Variants in USH2A observed in about 807,000 individuals in gnomAD.
USH2A encodes the protein usherin, also known as Usher syndrome 2A (autosomal recessive, mild).
USH2A carries 443 observed loss-of-function variants against 538.9 expected under a neutral mutation model. The ratio of observed to expected loss-of-function variants is 0.82; its 90% confidence interval spans 0.76 to 0.89. The LOEUF (loss-of-function observed/expected upper bound fraction) is 0.89, where lower values mean the gene tolerates loss of function less well. Ranked by LOEUF, USH2A falls within the 40% of genes least tolerant of loss-of-function variation. The pLI, the probability that USH2A is intolerant of heterozygous loss-of-function variation, is 0.00. For missense variants in USH2A, 6,633 were observed against 6,324.8 expected (o/e 1.05, Z -1.65); for synonymous variants, 2,413 against 2,273.5 (o/e 1.06, Z -1.75).
intron 21 of USH2A, among the ~76,000 whole-genome samples, chr1:216,155,046 C>T (rs115517496): frequency 0.013 from 2,035 of 152,040 alleles, 38 homozygotes; most frequent in African/African-American, 0.046. Context: ...TAGGATGAAA[C>T]TGATTTTACA....
chr1:216,123,094 A>G (rs2033169001), intron 21 of USH2A, among the ~76,000 whole-genome samples: 2 of 152,210 alleles, frequency 1.3e-5, no homozygotes, highest in South Asian at 4.1e-4. Flanking sequence ...TATGCCAATT[A>G]TACAGATAAG....
chr1:216,112,813 T>C (rs1388137977), intron 21 of USH2A, among the ~76,000 whole-genome samples: 1 of 152,100 alleles, frequency 6.6e-6, no homozygotes, highest in African/African-American at 2.4e-5. Context: ...GCATGGTATC[T>C]CATGCTGTAT....
At chr1:215,646,397 A>C (rs1252323864) in intron 67 of USH2A, among the ~76,000 whole-genome samples, 1 of 136,574 alleles carries the variant, frequency 7.3e-6, no homozygotes, top group African/African-American at 2.5e-5. Context: ...GCCATTATTA[A>C]ACAATGAAAG....
At chr1:216,177,714 TAAG>T (rs1228635412) in intron 20 of USH2A, among the ~76,000 whole-genome samples, 2 of 152,126 alleles carry the variant, frequency 1.3e-5, no homozygotes, top group Admixed American at 1.3e-4. Flanking sequence ...TCACGGAGAT[TAAG>T]GTTTTCCCTA....
chr1:215,786,553 T>G, intron 52 of USH2A, 117 bp downstream of exon 52: 2 of 1,130,438 alleles, frequency 1.8e-6, no homozygotes, highest in Non-Finnish European at 2.6e-6. Context: ...CAAAGTATGA[T>G]GGAATGTACT....
At chr1:216,406,183 T>C (rs997193785) in intron 3 of USH2A, among the ~76,000 whole-genome samples, 1 of 152,218 alleles carries the variant, frequency 6.6e-6, no homozygotes, top group South Asian at 2.1e-4. Flanking sequence ...TAGGAATATA[T>C]GAAAAATGGG....
chr1:215,815,283 C>G (rs1009965641), intron 48 of USH2A, among the ~76,000 whole-genome samples: 17 of 151,992 alleles, frequency 1.1e-4, no homozygotes, highest in Middle Eastern at 3.2e-3. Flanking sequence ...TAAGAATAAC[C>G]AAATGTGATG....
chr1:215,658,182 G>C (rs977909108), intron 64 of USH2A, among the ~76,000 whole-genome samples: 1 of 151,640 alleles, frequency 6.6e-6, no homozygotes, highest in Non-Finnish European at 1.5e-5. Flanking sequence ...TGATCCGCCC[G>C]CCTTGGCCTC....
intron 52 of USH2A, among the ~76,000 whole-genome samples, chr1:215,783,939 C>A (rs1335111603): frequency 6.6e-6 from 1 of 152,128 alleles, no homozygotes; most frequent in Non-Finnish European, 1.5e-5. Context: ...TTACAATAAA[C>A]CCTTCCCTGC....
chr1:216,020,956 C>T (rs1384025379), intron 32 of USH2A, among the ~76,000 whole-genome samples: 2 of 152,100 alleles, frequency 1.3e-5, no homozygotes, highest in African/African-American at 4.8e-5. Flanking sequence ...GACTGTGTAG[C>T]TCAGCTGGAG....
chr1:215,647,424 A>T, intron 67 of USH2A, 98 bp downstream of exon 67: 1 of 1,431,250 alleles, frequency 7.0e-7, no homozygotes, highest in Non-Finnish European at 9.8e-7. Flanking sequence ...GAGCCCACTC[A>T]ATCTGTTTTT....
intron 32 of USH2A, among the ~76,000 whole-genome samples, chr1:216,040,184 A>G (rs2030213116): frequency 6.6e-6 from 1 of 152,006 alleles, no homozygotes; most frequent in African/African-American, 2.4e-5. Context: ...GGAAGACACT[A>G]TCTATGGTTC....
intron 44 of USH2A, among the ~76,000 whole-genome samples, chr1:215,862,247 C>T (rs956937434): frequency 8.5e-5 from 13 of 152,112 alleles, no homozygotes; most frequent in Admixed American, 8.5e-4. Flanking sequence ...TGTAGAAATG[C>T]TTTTATCTCC....
intron 11 of USH2A, among the ~76,000 whole-genome samples, chr1:216,256,165 T>C (rs2036255156): frequency 6.6e-6 from 1 of 152,054 alleles, no homozygotes; most frequent in Admixed American, 6.6e-5. Flanking sequence ...TATAGTTAAG[T>C]TGTACTTTTT....
chr1:216,261,775 G>T (rs770309084), intron 11 of USH2A, among the ~76,000 whole-genome samples: 1 of 151,886 alleles, frequency 6.6e-6, no homozygotes, highest in Admixed American at 6.6e-5. Context: ...TCATGCCCCC[G>T]GCCTGAGAAA....
intron 19 of USH2A, among the ~76,000 whole-genome samples, chr1:216,191,028 G>C (rs949898803): frequency 1.3e-5 from 2 of 151,960 alleles, no homozygotes; most frequent in Non-Finnish European, 2.9e-5. Flanking sequence ...AAAGAAGACT[G>C]ACAGGAAACT....
chr1:216,198,115 C>T (rs1454864751), intron 18 of USH2A, among the ~76,000 whole-genome samples, 200 bp downstream of exon 18: 1 of 152,034 alleles, frequency 6.6e-6, no homozygotes. Context: ...TTTACTTTTG[C>T]CCCCTAGAAC....
chr1:216,176,831 T>C (rs574891495), intron 20 of USH2A, among the ~76,000 whole-genome samples: 1 of 152,288 alleles, frequency 6.6e-6, no homozygotes, highest in South Asian at 2.1e-4. Context: ...TTTCACTGAG[T>C]AATATGCATT....
Position 216,292,322 on chromosome 1 carries a change from C to T in USH2A, c.1693G>A (p.Asp565Asn). ...TTACAATTGAAAGCGTAAACTTGAT[C>T]ACCTTGGCGGAAAGGCTTGTCATTA... ...LYNDKPFRQG[D>N]QVYAFNCKPC... Residue 565 changes from aspartate to asparagine, a missense_variant, in exon 10 of 72, where the codon GAT becomes AAT. Physicochemically the swap from Asp to Asn is conservative, Grantham distance 23 (BLOSUM62 1). Coordinates refer to ENST00000307340, the MANE Select transcript of USH2A (RefSeq NM_206933.4). 2.5e-6 allele frequency: 4 copies of T among 1,613,986 alleles called. No homozygotes were observed. Among genetic ancestry groups the T allele is most frequent in the Admixed American group, 3.3e-5 (2 of 60,010 alleles).
Sources: allele counts gnomAD v4.1 joint callset (sites outside exome capture counted in the v4.1 genomes callset), GRCh38; gene constraint gnomAD v4.1.1; transcripts MANE v1.5; gene names NCBI Gene and HGNC (gene_info 2026-07-23, HGNC 2026-07-21).